Variants in CDK14 observed in about 807,000 individuals in gnomAD.
CDK14 encodes the protein cyclin-dependent kinase 14.
Under a neutral mutation model 60.7 loss-of-function variants are expected in CDK14, and 34 were observed. The observed-to-expected ratio is 0.56, with a 90% confidence interval of 0.43 to 0.75. The LOEUF (loss-of-function observed/expected upper bound fraction) is 0.75, where lower values mean the gene tolerates loss of function less well. Ranked by LOEUF, CDK14 falls within the 30% of genes least tolerant of loss-of-function variation. CDK14 has a pLI of 0.00. For missense variants in CDK14, 482 were observed against 564.1 expected, an observed-to-expected ratio of 0.85 and a Z score of 1.47; for synonymous variants, 197 against 203.7, an observed-to-expected ratio of 0.97 and a Z score of 0.28.
At chr7:90,724,356 A>C (rs1802556088) in intron 2 of CDK14, among the ~76,000 whole-genome samples, 1 of 151,800 alleles carries the variant, frequency 6.6e-6, no homozygotes, top group African/African-American at 2.4e-5. Context: ...CATTTAAAAA[A>C]AACTTCTCTG....
intron 2 of CDK14, among the ~76,000 whole-genome samples, chr7:90,639,542 G>C (rs1800261409): frequency 6.6e-6 from 1 of 152,020 alleles, no homozygotes; most frequent in Admixed American, 6.6e-5. Context: ...GTACCTACTG[G>C]GGTGTGCCTC....
At chr7:90,734,909 T>G (rs1803026343) in intron 3 of CDK14, among the ~76,000 whole-genome samples, 1 of 152,154 alleles carries the variant, frequency 6.6e-6, no homozygotes, top group Non-Finnish European at 1.5e-5. Context: ...TTTTGTAATT[T>G]TCAGCCTTTT....
chr7:90,642,886 G>A (rs997652273), intron 2 of CDK14, among the ~76,000 whole-genome samples: 21 of 152,152 alleles, frequency 1.4e-4, no homozygotes, highest in Non-Finnish European at 3.1e-4. Flanking sequence ...TGAGAGTGAT[G>A]AAAGTTATTT....
At chr7:90,879,211 T>G (rs570193116) in intron 6 of CDK14, among the ~76,000 whole-genome samples, 2 of 152,338 alleles carry the variant, frequency 1.3e-5, no homozygotes, top group East Asian at 3.9e-4. Flanking sequence ...TCTTTTATGA[T>G]TTATACTCAC....
chr7:90,840,339 A>T (rs1790249176), intron 5 of CDK14, among the ~76,000 whole-genome samples: 1 of 152,232 alleles, frequency 6.6e-6, no homozygotes, highest in Non-Finnish European at 1.5e-5. Flanking sequence ...TTTGATCCAT[A>T]AAGTTTGGAA....
chr7:90,742,945 A>C (rs1803412965), intron 3 of CDK14, among the ~76,000 whole-genome samples: 1 of 152,192 alleles, frequency 6.6e-6, no homozygotes, highest in South Asian at 2.1e-4. Flanking sequence ...TACATGAGAT[A>C]TCTTAGGAAG....
intron 2 of CDK14, chr7:90,709,780 T>TTTGC: frequency 7.0e-7 from 1 of 1,428,698 alleles, no homozygotes; most frequent in Admixed American, 3.1e-5. Context: ...CTTTTTTTTT[T>TTTGC]TTGCTTGCTT....
chr7:91,119,529 A>G (rs1307843594), intron 14 of CDK14, among the ~76,000 whole-genome samples: 1 of 152,148 alleles, frequency 6.6e-6, no homozygotes, highest in Non-Finnish European at 1.5e-5. Flanking sequence ...AACTCAAAGG[A>G]TATATGCAGC....
chr7:90,851,997 C>T (rs1307916313), intron 5 of CDK14, among the ~76,000 whole-genome samples: 1 of 152,084 alleles, frequency 6.6e-6, no homozygotes, highest in East Asian at 1.9e-4. Flanking sequence ...CTCCTGGGTT[C>T]AGGTGATTCT....
intron 6 of CDK14, among the ~76,000 whole-genome samples, chr7:90,878,071 G>GCT (rs1193210180): frequency 4.7e-5 from 6 of 126,946 alleles, no homozygotes; most frequent in African/African-American, 1.6e-4. Flanking sequence ...ACATTGTGTG[G>GCT]CTGTGTGTGT....
chr7:91,208,011 G>A lies in CDK14; in HGVS notation c.*875G>A, dbSNP rs1169954315. 5 of 152,588 alleles carry A rather than the reference G, an allele frequency of 3.3e-5. No individual in the cohort carries two copies. Among genetic ancestry groups the A allele is most frequent in the Non-Finnish European group, 5.9e-5 (4 of 68,014 alleles). 9.5% of individuals were successfully genotyped at this position (152,588 alleles called of 1,614,324 possible). A position where few individuals can be genotyped will look rare whatever the true frequency, so the allele number is the denominator to read the frequency against. ...TGGAGAAAAGAGTGAGGAACAGAAT[G>A]TTTTAAATCTGGTGCAAAAGAACTA... is the stretch of plus-strand genomic sequence containing the variant. On this transcript the variant is annotated 3_prime_UTR_variant, in exon 15 of 15. Coordinates refer to ENST00000380050, the MANE Select transcript of CDK14 (RefSeq NM_001287135.2).
intron 2 of CDK14, among the ~76,000 whole-genome samples, chr7:90,640,014 C>G (rs1004438131): frequency 1.3e-5 from 2 of 152,138 alleles, no homozygotes; most frequent in African/African-American, 2.4e-5. Context: ...TTTCCACGTG[C>G]TGTCTGTCAC....
intron 4 of CDK14, among the ~76,000 whole-genome samples, chr7:90,750,092 C>G (rs1380269998): frequency 2.0e-5 from 3 of 150,562 alleles, no homozygotes; most frequent in African/African-American, 7.3e-5. Flanking sequence ...CCAAAAGATC[C>G]TACCCAGCAT....
intron 11 of CDK14, among the ~76,000 whole-genome samples, chr7:91,060,325 G>A (rs1163480067): frequency 1.3e-5 from 2 of 151,608 alleles, no homozygotes; most frequent in Non-Finnish European, 1.5e-5. Context: ...CCTGAATACA[G>A]CACACTAATG....
At chr7:91,088,095 TG>T (rs1798691327) in intron 12 of CDK14, among the ~76,000 whole-genome samples, 1 of 152,232 alleles carries the variant, frequency 6.6e-6, no homozygotes, top group African/African-American at 2.4e-5. Flanking sequence ...GTGTGGGATC[TG>T]GGCATCCATT....
chr7:90,790,627 G>A lies in CDK14; in HGVS notation c.519G>A (p.Gly173=), dbSNP rs138497570. 244 of 1,612,450 alleles carry A rather than the reference G, an allele frequency of 1.5e-4. No individual in the cohort carries two copies. The highest frequency in any genetic ancestry group is 2.0e-4 in the Non-Finnish European group (230 of 1,178,986). The change falls in exon 5 of 15, where the codon GGG becomes GGA. Residue 173 remains glycine, a synonymous_variant. Transcript: ENST00000380050. ...TGATCAGGCTGCAGGAAGAAGAAGG[G>A]ACACCTTTCACAGCTATCAGGGAAG... The part of the protein sequence containing the change: ...LKVIRLQEEE[G]TPFTAIREAS...
chr7:90,789,159 G>A (rs1198402433), intron 4 of CDK14, among the ~76,000 whole-genome samples: 1 of 152,066 alleles, frequency 6.6e-6, no homozygotes, highest in Non-Finnish European at 1.5e-5. Flanking sequence ...CAAAATTTGG[G>A]AACAAGCTAC....
chr7:91,011,565 T>C (rs1343263648), intron 10 of CDK14, among the ~76,000 whole-genome samples: 1 of 152,138 alleles, frequency 6.6e-6, no homozygotes, highest in South Asian at 2.1e-4. Flanking sequence ...CTTTAGGGTC[T>C]ACAATTACAT....
intron 5 of CDK14, among the ~76,000 whole-genome samples, chr7:90,839,616 C>T (rs973393492): frequency 6.6e-6 from 1 of 152,170 alleles, no homozygotes; most frequent in South Asian, 2.1e-4. Flanking sequence ...GTGAAAACAA[C>T]ATATTACATG....
Sources: allele counts gnomAD v4.1 joint callset (sites outside exome capture counted in the v4.1 genomes callset), GRCh38; gene constraint gnomAD v4.1.1; transcripts MANE v1.5; gene names NCBI Gene and HGNC (gene_info 2026-07-23, HGNC 2026-07-21).